RNF180: variants seen among roughly 807,000 people sequenced by gnomAD.
The protein encoded by RNF180 is ring finger protein 180, also known as E3 ubiquitin-protein ligase RNF180.
A neutral mutation model predicts 59.2 loss-of-function variants in RNF180; 38 were observed. That is an observed-to-expected ratio of 0.64 (90% confidence interval 0.50 to 0.84). The LOEUF (loss-of-function observed/expected upper bound fraction) is 0.84, where lower values mean the gene tolerates loss of function less well. Ranked by LOEUF, RNF180 falls within the 40% of genes least tolerant of loss-of-function variation. The probability of loss-of-function intolerance (pLI) is 0.00; values close to 1 mark genes in which losing one functional copy is unlikely to be tolerated. For synonymous variants in RNF180, 262 were observed against 240.3 expected, an observed-to-expected ratio of 1.09 and a Z score of -0.84; for missense variants, 705 against 700.9, an observed-to-expected ratio of 1.01 and a Z score of -0.07.
At chr5:64,269,211 T>C (rs1228090727) in intron 5 of RNF180, among the ~76,000 whole-genome samples, 1 of 152,180 alleles carries the variant, frequency 6.6e-6, no homozygotes, top group Non-Finnish European at 1.5e-5. Flanking sequence ...TCTTCATTTA[T>C]GTATTCTCCC....
intron 7 of RNF180, among the ~76,000 whole-genome samples, chr5:64,350,476 C>G (rs1745754704): frequency 6.6e-6 from 1 of 152,076 alleles, no homozygotes; most frequent in South Asian, 2.1e-4. Context: ...GACATGAAGT[C>G]CTCGCCCATG....
intron 5 of RNF180, among the ~76,000 whole-genome samples, chr5:64,252,522 A>C (rs1743650999): frequency 6.6e-6 from 1 of 152,152 alleles, no homozygotes; most frequent in African/African-American, 2.4e-5. Context: ...TACTACAAAT[A>C]ATCATATTTT....
chr5:64,285,945 C>T (rs1377945686), intron 5 of RNF180, among the ~76,000 whole-genome samples: 1 of 152,048 alleles, frequency 6.6e-6, no homozygotes, highest in African/African-American at 2.4e-5. Context: ...CTGTAGGGGT[C>T]GTAGGGTCTC....
chr5:64,172,726 G>A lies in RNF180; in HGVS notation c.-1+6773G>A, dbSNP rs139051352. Among the ~76,000 whole-genome samples, 18 of 152,302 alleles carry A rather than the reference G, an allele frequency of 1.2e-4. No homozygotes were observed. In the East Asian group the frequency reaches 3.3e-3, roughly 28 times the overall value. ...CAGTGCACGAACAAAGAGGTCCTCC[G>A]TGTATTGCAGGAGAGTTGACCCTCG... On this transcript the variant is annotated intron_variant, in intron 1 of 7. Transcript: ENST00000389100.
chr5:64,255,987 A>C (rs1450997730), intron 5 of RNF180, among the ~76,000 whole-genome samples: 5 of 152,170 alleles, frequency 3.3e-5, no homozygotes, highest in African/African-American at 2.4e-5. Context: ...TTTTGGCTGC[A>C]TAAATGTCTT....
intron 7 of RNF180, among the ~76,000 whole-genome samples, chr5:64,356,108 T>C (rs961437021): frequency 6.6e-6 from 1 of 151,506 alleles, no homozygotes; most frequent in African/African-American, 2.4e-5. Context: ...AAACAAATTG[T>C]AATTAGCTGA....
intron 5 of RNF180, among the ~76,000 whole-genome samples, chr5:64,265,177 G>A (rs1744585594): frequency 6.6e-6 from 1 of 152,116 alleles, no homozygotes; most frequent in Non-Finnish European, 1.5e-5. Context: ...TCTGTAGGTT[G>A]CCTGTTCACT....
chr5:64,362,795 G>C (rs1353853950), intron 7 of RNF180, among the ~76,000 whole-genome samples: 2 of 151,790 alleles, frequency 1.3e-5, no homozygotes, highest in African/African-American at 4.8e-5. Flanking sequence ...ACTGGTGTGA[G>C]ATGGTATCTC....
chr5:64,297,128 TAAAG>T (rs2112442608), intron 5 of RNF180, among the ~76,000 whole-genome samples: 1 of 152,176 alleles, frequency 6.6e-6, no homozygotes, highest in South Asian at 2.1e-4. Flanking sequence ...CCACTGAAAA[TAAAG>T]TAATAAATTT....
chr5:64,243,751 A>C (rs571118837), intron 5 of RNF180, among the ~76,000 whole-genome samples: 2 of 152,262 alleles, frequency 1.3e-5, no homozygotes, highest in South Asian at 4.1e-4. Flanking sequence ...TAAGGGACAG[A>C]CTGCCTCCTC....
At position 64,348,753 on chromosome 5, in the gene RNF180, C is replaced by A. The variant is rs115331956; in HGVS notation, c.1579+18347C>A. Among the ~76,000 whole-genome samples, 1,195 of 152,064 alleles carry A rather than the reference C, an allele frequency of 7.9e-3. 17 individuals are homozygous for A. The highest frequency in any genetic ancestry group is 0.026 in the African/African-American group (1,073 of 41,496). On this transcript the variant is annotated intron_variant, in intron 7 of 7. Coordinates refer to ENST00000389100, the MANE Select transcript of RNF180 (RefSeq NM_001113561.2). The stretch of plus-strand genomic sequence containing the variant: ...AAATATTAAGTACTAGTAACAAAAT[C>A]TATATGTAAGTCTAAAATTATAAAA...
chr5:64,283,590 C>T, intron 5 of RNF180, among the ~76,000 whole-genome samples: 1 of 152,046 alleles, frequency 6.6e-6, no homozygotes. Flanking sequence ...CAGTTTCCCT[C>T]ATGATGTTCT....
At chr5:64,179,418 A>G (rs1251642109) in intron 1 of RNF180, among the ~76,000 whole-genome samples, 2 of 148,610 alleles carry the variant, frequency 1.3e-5, no homozygotes, top group African/African-American at 5.0e-5. Flanking sequence ...ATTCCTGTGC[A>G]TGTTCTTATG....
chr5:64,174,693 T>G (rs530441517), intron 1 of RNF180, among the ~76,000 whole-genome samples: 5 of 152,294 alleles, frequency 3.3e-5, no homozygotes, highest in Admixed American at 3.3e-4. Context: ...TCCTTATATC[T>G]TCTGGATATT....
At chr5:64,189,526 G>A (rs1165926699) in intron 1 of RNF180, among the ~76,000 whole-genome samples, 9 of 152,178 alleles carry the variant, frequency 5.9e-5, no homozygotes, top group Non-Finnish European at 1.3e-4. Flanking sequence ...CTAGTGCTTT[G>A]TGGAAGGTAG....
At chr5:64,237,534 A>G (rs1320053651) in intron 5 of RNF180, among the ~76,000 whole-genome samples, 3 of 151,888 alleles carry the variant, frequency 2.0e-5, no homozygotes, top group Non-Finnish European at 4.4e-5. Context: ...CTTTTGAGTT[A>G]ATGCTGGAAT....
At chr5:64,173,250 T>G (rs1750039107) in intron 1 of RNF180, among the ~76,000 whole-genome samples, 1 of 152,362 alleles carries the variant, frequency 6.6e-6, no homozygotes, top group East Asian at 1.9e-4. Flanking sequence ...GAGAATAATT[T>G]TACATATTTC....
intron 1 of RNF180, chr5:64,166,350 TG>T (rs2111836425): frequency 6.5e-6 from 1 of 152,804 alleles, no homozygotes; most frequent in East Asian, 1.9e-4. Context: ...AACTGCGTCT[TG>T]TTTAATTTCG....
intron 5 of RNF180, among the ~76,000 whole-genome samples, chr5:64,269,155 C>T (rs563872577): frequency 2.6e-5 from 4 of 152,224 alleles, no homozygotes; most frequent in South Asian, 2.1e-4. Context: ...TTAACTCCAG[C>T]GTGCTCTAGT....
Sources: allele counts gnomAD v4.1 joint callset (sites outside exome capture counted in the v4.1 genomes callset), GRCh38; gene constraint gnomAD v4.1.1; transcripts MANE v1.5; gene names NCBI Gene and HGNC (gene_info 2026-07-23, HGNC 2026-07-21).